Variants in ABL2 observed in about 807,000 individuals in gnomAD.
ABL2 encodes ABL proto-oncogene 2, non-receptor tyrosine kinase.
In ABL2, 49 loss-of-function variants were observed where a neutral mutation model predicts 107.7. The observed-to-expected ratio is 0.45, with a 90% CI of 0.36 to 0.58. ABL2 has a LOEUF of 0.58. ABL2 is among the 20% of genes least tolerant of loss of function. The probability of loss-of-function intolerance (pLI) is 0.00; values close to 1 mark genes in which losing one functional copy is unlikely to be tolerated. For synonymous variants in ABL2, 549 were observed against 548.6 expected (o/e 1.00, Z -0.01); for missense variants, 1,245 against 1,457.0 (o/e 0.85, Z 2.37).
At position 179,229,580 on chromosome 1, in the gene ABL2, G is replaced by A; in HGVS notation, c.-183C>T. ...ACGGCAGCCGCCGCGCTGCCTCCAG[G>A]CGACTCACAGATTCTGCTTTTCCCT... On this transcript the variant is annotated 5_prime_UTR_variant, in exon 1 of 12. Transcript: ENST00000502732. The A allele has an allele frequency of 3.4e-6, 2 of 584,414 alleles. No individual in the cohort carries two copies. The highest frequency in any genetic ancestry group is 5.6e-5 in the South Asian group (2 of 35,698). 36.2% of individuals were successfully genotyped at this position (584,414 alleles called of 1,614,324 possible).
chr1:179,218,847 C>A (rs1662722745), intron 1 of ABL2, among the ~76,000 whole-genome samples: 1 of 152,190 alleles, frequency 6.6e-6, no homozygotes, highest in South Asian at 2.1e-4. Context: ...TGGGACCCAG[C>A]AATCTGCTTT....
intron 4 of ABL2, among the ~76,000 whole-genome samples, chr1:179,125,390 A>G (rs1381317619): frequency 6.6e-6 from 1 of 152,196 alleles, no homozygotes; most frequent in Admixed American, 6.5e-5. Flanking sequence ...GGGTGTTTCT[A>G]GTTTTTGGCT....
intron 1 of ABL2, among the ~76,000 whole-genome samples, chr1:179,159,174 G>A (rs1658889424): frequency 6.6e-6 from 1 of 152,182 alleles, no homozygotes; most frequent in Non-Finnish European, 1.5e-5. Context: ...TAACTTGGAT[G>A]TAACCTAAAT....
intron 2 of ABL2, 100 bp downstream of exon 2, chr1:179,133,212 C>A: frequency 2.6e-6 from 4 of 1,566,978 alleles, no homozygotes; most frequent in Non-Finnish European, 3.5e-6. Flanking sequence ...AGGAAAAACC[C>A]TTGAATTTGT....
At chr1:179,162,896 T>A (rs1341948194) in intron 1 of ABL2, among the ~76,000 whole-genome samples, 1 of 152,130 alleles carries the variant, frequency 6.6e-6, no homozygotes, top group Non-Finnish European at 1.5e-5. Flanking sequence ...CAACAGTATG[T>A]CTCTGAAGTC....
chr1:179,100,495 T>G lies in ABL2; in HGVS notation c.*7223A>C, dbSNP rs1269691584. On this transcript the variant is annotated 3_prime_UTR_variant, in exon 12 of 12. Coordinates refer to ENST00000502732, the MANE Select transcript of ABL2 (RefSeq NM_007314.4). ...CATATATGTGAAAATTTAAGTCCCA[T>G]TCTCCAACTAAAGTTTATGGTGCCT... 3.1e-5 allele frequency: 7 copies of G among 228,294 alleles called. No individual in the cohort carries two copies. Among genetic ancestry groups the G allele is most frequent in the Non-Finnish European group, 6.1e-5 (7 of 115,148 alleles). 14.1% of individuals were successfully genotyped at this position (228,294 alleles called of 1,614,324 possible).
At chr1:179,198,374 T>C (rs1661448479) in intron 1 of ABL2, among the ~76,000 whole-genome samples, 1 of 152,024 alleles carries the variant, frequency 6.6e-6, no homozygotes, top group Middle Eastern at 3.2e-3. Context: ...CCTGAAACTA[T>C]TTCAAGATTA....
rs771395648 is a variant in ABL2, at chr1:179,108,559, C to T, written c.2708G>A (p.Gly903Glu). The change falls in exon 12 of 12, where the codon GGA becomes GAA. Residue 903 changes from glycine (G) to glutamate (E), a missense_variant. Transcript: ENST00000502732. Reference sequence around the variant, plus strand: ...CGGCTGCTCTCCATCCTCTGGAACTCCAGCCATCCCAAGTCGTGCCCCACC... The same window carrying T: ...CGGCTGCTCTCCATCCTCTGGAACTTCAGCCATCCCAAGTCGTGCCCCACC... ...KNGGARLGMA[G>E]VPEDGEQPGW... is the part of the protein sequence containing the mutation. The T allele has an allele frequency of 1.9e-6, 3 of 1,614,130 alleles. No homozygotes were observed. In the Admixed American group the frequency reaches 5.0e-5, roughly 27 times the overall value.
At chr1:179,166,541 G>A (rs1659395224) in intron 1 of ABL2, among the ~76,000 whole-genome samples, 1 of 152,082 alleles carries the variant, frequency 6.6e-6, no homozygotes, top group Non-Finnish European at 1.5e-5. Flanking sequence ...CACTTTGGGA[G>A]GCCAAGGTGG....
chr1:179,222,989 A>G lies in ABL2; in HGVS notation c.157+6252T>C, dbSNP rs1662958982. Among the ~76,000 whole-genome samples the G allele has an allele frequency of 2.6e-5, 4 of 151,764 alleles. No individual in the cohort carries two copies. The South Asian group carries it at 8.3e-4, about 32-fold the overall frequency. ...GCCAGGTGTGGTGGCAGCCGCCTGTAATCCCAGCTACTCGGGAGGCTGAGG... is the reference window on the plus strand; with the variant it reads ...GCCAGGTGTGGTGGCAGCCGCCTGTGATCCCAGCTACTCGGGAGGCTGAGG... On this transcript the variant is annotated intron_variant, in intron 1 of 11. Coordinates refer to ENST00000502732, the MANE Select transcript of ABL2 (RefSeq NM_007314.4).
chr1:179,157,376 A>G (rs1049509949), intron 1 of ABL2, among the ~76,000 whole-genome samples: 3 of 152,008 alleles, frequency 2.0e-5, no homozygotes, highest in Admixed American at 1.3e-4. Flanking sequence ...GTGTGCCTAT[A>G]ATCTCAGCTA....
intron 1 of ABL2, among the ~76,000 whole-genome samples, chr1:179,134,418 C>T (rs868433893): frequency 7.9e-5 from 12 of 151,760 alleles, no homozygotes; most frequent in African/African-American, 2.2e-4. Context: ...GAGATGGACT[C>T]GGCCATGGAG....
At chr1:179,134,730 C>G (rs1415602273) in intron 1 of ABL2, among the ~76,000 whole-genome samples, 4 of 126,972 alleles carry the variant, frequency 3.2e-5, no homozygotes, top group African/African-American at 1.1e-4. Flanking sequence ...CTCCCTCTCC[C>G]TCTCCACGGT....
intron 4 of ABL2, among the ~76,000 whole-genome samples, chr1:179,123,101 A>AACATAACT (rs779509297): frequency 6.5e-4 from 99 of 152,376 alleles, no homozygotes; most frequent in Non-Finnish European, 1.1e-3. Context: ...TCTTGTAAAA[A>AACATAACT]ACATAACTTG....
At chr1:179,129,248 T>C (rs1228488885) in intron 3 of ABL2, among the ~76,000 whole-genome samples, 1 of 152,194 alleles carries the variant, frequency 6.6e-6, no homozygotes, top group Non-Finnish European at 1.5e-5. Context: ...AATGTTTCCT[T>C]GATGACTGGG....
intron 1 of ABL2, among the ~76,000 whole-genome samples, chr1:179,157,092 T>G (rs1165666527): frequency 1.3e-5 from 2 of 152,086 alleles, no homozygotes; most frequent in Non-Finnish European, 2.9e-5. Context: ...CAATACAGGT[T>G]GAGTATTCTT....
At chr1:179,109,505 C>T (rs1051319931) in intron 11 of ABL2, 64 bp from the exon 12 acceptor site, 1 of 1,532,614 alleles carries the variant, frequency 6.5e-7, no homozygotes, top group South Asian at 1.3e-5. Flanking sequence ...ATTTGAGTTA[C>T]CGAGGCTGCA....
intron 1 of ABL2, among the ~76,000 whole-genome samples, chr1:179,173,474 T>C (rs1210068397): frequency 6.7e-6 from 1 of 149,426 alleles, no homozygotes; most frequent in Non-Finnish European, 1.5e-5. Context: ...GCAATTCTCC[T>C]GCCTCAGCCT....
At chr1:179,131,516 G>T in intron 2 of ABL2, 35 bp from the exon 3 acceptor site, 1 of 1,598,936 alleles carries the variant, frequency 6.3e-7, no homozygotes. Flanking sequence ...AATTCACGGT[G>T]AGTTCAACAG....
Sources: allele counts gnomAD v4.1 joint callset (sites outside exome capture counted in the v4.1 genomes callset), GRCh38; gene constraint gnomAD v4.1.1; transcripts MANE v1.5; gene names NCBI Gene and HGNC (gene_info 2026-07-23, HGNC 2026-07-21).